The following SLIT3 variants were observed in gnomAD, a reference collection of about 807,000 sequenced individuals.
SLIT3 encodes slit homolog 3 protein.
In SLIT3, 68 loss-of-function variants were observed where a neutral mutation model predicts 184.0. The observed-to-expected ratio is 0.37, with a 90% confidence interval of 0.30 to 0.45. The LOEUF (loss-of-function observed/expected upper bound fraction) is 0.45. Among genes scored for constraint, SLIT3 ranks in the 20% least tolerant of loss-of-function variants. SLIT3 has a pLI of 1.00. For synonymous variants in SLIT3, 831 were observed against 828.6 expected, an observed-to-expected ratio of 1.00 and a Z score of -0.05; for missense variants, 1,707 against 2,026.0, an observed-to-expected ratio of 0.84 and a Z score of 3.02.
chr5:168,724,542 T>C, intron 20 of SLIT3, 58 bp from the exon 21 acceptor site: 1 of 1,474,420 alleles, frequency 6.8e-7, no homozygotes, highest in Non-Finnish European at 9.4e-7. Flanking sequence ...AATTCTCACC[T>C]TTTCAGAGAA....
intron 4 of SLIT3, among the ~76,000 whole-genome samples, chr5:169,142,634 C>T (rs1317606303): frequency 6.6e-6 from 1 of 152,216 alleles, no homozygotes; most frequent in Non-Finnish European, 1.5e-5. Context: ...TCAACAGAAC[C>T]CATAGGGTGA....
intron 6 of SLIT3, among the ~76,000 whole-genome samples, chr5:168,828,664 A>AAAAAAAAAAAAAAAAAG (rs1757780042): frequency 2.0e-5 from 3 of 150,480 alleles, no homozygotes; most frequent in South Asian, 2.1e-4. Flanking sequence ...GACTCAAAAA[A>AAAAAAAAAAAAAAAAAG]AAAAAAGAAA....
intron 26 of SLIT3, among the ~76,000 whole-genome samples, chr5:168,703,810 G>A (rs796618882): frequency 4.1e-4 from 63 of 151,894 alleles, no homozygotes; most frequent in African/African-American, 1.4e-3. Flanking sequence ...AAATTAGCTG[G>A]GCGTGGTGGT....
intron 4 of SLIT3, among the ~76,000 whole-genome samples, chr5:168,935,016 T>C (rs1325117024): frequency 1.4e-5 from 2 of 147,970 alleles, no homozygotes; most frequent in African/African-American, 5.0e-5. Context: ...CGTGCACCTG[T>C]AATCCCAGCT....
intron 23 of SLIT3, 57 bp downstream of exon 23, chr5:168,722,199 G>C (rs1176072394): frequency 2.7e-6 from 4 of 1,499,950 alleles, no homozygotes; most frequent in Non-Finnish European, 3.7e-6. Flanking sequence ...TGCTTAGTCT[G>C]CTTCCTGCTG....
chr5:168,966,487 G>C (rs190609034), intron 4 of SLIT3, among the ~76,000 whole-genome samples: 21 of 152,272 alleles, frequency 1.4e-4, no homozygotes, highest in African/African-American at 3.6e-4. Context: ...TCCCAGTGCT[G>C]CCTCTTGGTA....
intron 4 of SLIT3, among the ~76,000 whole-genome samples, chr5:168,948,455 G>A (rs751973284): frequency 9.2e-5 from 14 of 152,166 alleles, no homozygotes; most frequent in Non-Finnish European, 1.9e-4. Flanking sequence ...TGAGGCTGCA[G>A]GTAGAAACTC....
rs766150043 is a variant in SLIT3, at chr5:169,193,549, G to A, written c.343C>T (p.Arg115Cys). The A allele has an allele frequency of 2.8e-5, 45 of 1,613,574 alleles. No individual in the cohort carries two copies. The highest frequency in any genetic ancestry group is 1.6e-4 in the Middle Eastern group (1 of 6,062). The change falls in exon 4 of 36, where the codon CGC (arginine) becomes TGC (cysteine). Residue 115 changes from arginine (R) to cysteine (C), a missense_variant and splice_region_variant. This residue lies in a region of SLIT3 where 1,307 missense variants were observed against 1,511.6 expected (regional missense o/e 0.86). Coordinates refer to ENST00000519560, the MANE Select transcript of SLIT3 (RefSeq NM_003062.4). ...ACTTGCAGCTTATTCTTGTTCAGGC[G>A]CCTAAAGAGGAAAGAGAATGGAAGG... ...FQDLKQLERL[R>C]LNKNKLQVLP...
In SLIT3 at chr5:168,942,367, C is replaced by G. The variant is rs556963822; in HGVS notation, c.414-59031G>C. ...AAGTTTCCTTTCTTTATTAAAAAAG[C>G]CATTTTGAATTAGCATTCTATTATT... On this transcript the variant is annotated intron_variant, in intron 4 of 35. Coordinates refer to ENST00000519560, the MANE Select transcript of SLIT3 (RefSeq NM_003062.4). 3.9e-5 allele frequency among the ~76,000 whole-genome samples: 6 copies of G among 152,242 alleles called. No individual in the cohort carries two copies. The East Asian group carries it at 1.2e-3, about 29-fold the overall frequency.
chr5:168,896,591 G>A (rs1448945876), intron 4 of SLIT3, among the ~76,000 whole-genome samples: 1 of 152,202 alleles, frequency 6.6e-6, no homozygotes, highest in Non-Finnish European at 1.5e-5. Context: ...AAGCTTTCCT[G>A]GGGCCTGCAG....
At chr5:169,254,472 ATTTC>A (rs903028703) in intron 1 of SLIT3, among the ~76,000 whole-genome samples, 7 of 149,258 alleles carry the variant, frequency 4.7e-5, no homozygotes, top group South Asian at 4.2e-4. Flanking sequence ...CATGTCTGCC[ATTTC>A]TTTCTTTCTT....
chr5:168,815,902 C>A (rs72827661), intron 8 of SLIT3, among the ~76,000 whole-genome samples: 18,074 of 152,166 alleles, frequency 0.12, 1,159 homozygotes, highest in African/African-American at 0.17. Context: ...GCTCACAGTG[C>A]TTAAGCTCCC....
chr5:169,279,701 A>C (rs976309172), intron 1 of SLIT3, among the ~76,000 whole-genome samples: 1 of 152,196 alleles, frequency 6.6e-6, no homozygotes, highest in Non-Finnish European at 1.5e-5. Context: ...TATAATATGC[A>C]CAAGAGGCAG....
intron 14 of SLIT3, among the ~76,000 whole-genome samples, chr5:168,766,402 A>T (rs1376844802): frequency 2.0e-5 from 3 of 152,242 alleles, no homozygotes; most frequent in Non-Finnish European, 4.4e-5. Flanking sequence ...ATGACTAAGG[A>T]GAACACTGCC....
intron 20 of SLIT3, among the ~76,000 whole-genome samples, chr5:168,732,507 A>G (rs1763316588): frequency 6.6e-6 from 1 of 152,174 alleles, no homozygotes; most frequent in African/African-American, 2.4e-5. Context: ...GAGCCCAAAT[A>G]GCCACAGCAA....
intron 3 of SLIT3, among the ~76,000 whole-genome samples, chr5:169,218,963 A>G (rs1764535156): frequency 1.3e-5 from 2 of 152,232 alleles, no homozygotes; most frequent in Admixed American, 1.3e-4. Context: ...CAATCCTGCA[A>G]CAGTATGTGA....
chr5:168,673,107 G>A, intron 33 of SLIT3, 70 bp downstream of exon 33: 1 of 1,496,368 alleles, frequency 6.7e-7, no homozygotes, highest in Non-Finnish European at 9.2e-7. Flanking sequence ...CTTTGGCAGT[G>A]GCCTGGGTTT....
intron 24 of SLIT3, 126 bp from the exon 25 acceptor site, chr5:168,711,184 G>A (rs1031274323): frequency 1.5e-5 from 12 of 794,302 alleles, no homozygotes; most frequent in Middle Eastern, 2.6e-4. Context: ...TGGGGCCAGC[G>A]GAGTAGTCGT....
At chr5:168,734,457 C>T (rs1355515438) in intron 20 of SLIT3, among the ~76,000 whole-genome samples, 1 of 152,196 alleles carries the variant, frequency 6.6e-6, no homozygotes, top group African/African-American at 2.4e-5. Context: ...TCTCCTCCCT[C>T]CTTGCCAGGT....
Sources: gnomAD v4.1 joint callset for allele counts (sites outside exome capture counted in the v4.1 genomes callset) on GRCh38, gnomAD v4.1.1 for gene constraint, gnomAD v4.1.1 regional missense constraint, MANE v1.5 for transcripts, NCBI Gene and HGNC (gene_info 2026-07-23, HGNC 2026-07-21) for gene names.